LYST: variants seen among roughly 807,000 people sequenced by gnomAD.
The protein encoded by LYST is lysosomal trafficking regulator.
A neutral mutation model predicts 413.6 loss-of-function variants in LYST; 192 were observed. The observed-to-expected ratio is 0.46, with a 90% CI of 0.41 to 0.52. LYST has a LOEUF of 0.52. Ranked by LOEUF, LYST falls within the 20% of genes least tolerant of loss-of-function variation. The pLI is 0.00. For missense variants in LYST, 3,815 were observed against 4,499.9 expected, an observed-to-expected ratio of 0.85 and a Z score of 4.35; for synonymous variants, 1,525 against 1,567.3, an observed-to-expected ratio of 0.97 and a Z score of 0.64.
chr1:235,742,914 G>C (rs1226758614), intron 30 of LYST, among the ~76,000 whole-genome samples: 1 of 152,060 alleles, frequency 6.6e-6, no homozygotes, highest in African/African-American at 2.4e-5. Context: ...AAAAGGGAGA[G>C]ACTACATTTA....
intron 3 of LYST, chr1:235,827,835 T>C: frequency 1.2e-6 from 1 of 801,374 alleles, no homozygotes; most frequent in Non-Finnish European, 1.5e-6. Context: ...AAAGAGAAAG[T>C]ATTCTATTTA....
chr1:235,780,828 T>G (rs777974697), intron 16 of LYST, 37 bp downstream of exon 16: 19 of 866,660 alleles, frequency 2.2e-5, no homozygotes, highest in Non-Finnish European at 3.1e-5. Context: ...CTAAATACAT[T>G]TACTATAAAA....
rs1038478821 is a variant in LYST at position 235,701,310 on chromosome 1, A to G, written c.10374+1437T>C. ...GGCATTTATTAATTTTCAGGGATGT[A>G]TTGTAAAATTATGCTGACATGTTAA... On this transcript the variant is annotated intron_variant, in intron 45 of 52. Transcript: ENST00000389793. Among the ~76,000 whole-genome samples, 5 of 152,164 alleles carry G rather than the reference A, an allele frequency of 3.3e-5. No individual in the cohort carries two copies. In the South Asian group the frequency reaches 1.0e-3, roughly 31 times the overall value.
Position 235,663,967 on chromosome 1 carries a change from G to A in LYST, c.11267+17C>T, listed in dbSNP as rs199729572. The A allele has an allele frequency of 5.6e-5, 88 of 1,572,430 alleles. No homozygotes were observed. In the East Asian group the frequency reaches 1.4e-3, roughly 26 times the overall value. On this transcript the variant is annotated intron_variant, in intron 52 of 52. Transcript: ENST00000389793. ...ACAAATTGTATTCTGAAGCATAAGA[G>A]GGGGAGAAGATCTTACCTGATGATG...
At chr1:235,849,328 T>G (rs1178612985) in intron 1 of LYST, among the ~76,000 whole-genome samples, 1 of 152,094 alleles carries the variant, frequency 6.6e-6, no homozygotes, top group Non-Finnish European at 1.5e-5. Flanking sequence ...CCTTTATGAT[T>G]AAAATTCTCA....
rs561720668 is a variant in LYST at position 235,826,717 on chromosome 1, G to A, written c.192+3509C>T. ...GTTTTTTAAGACAGGGTTTCACTCT[G>A]TCACCCAGGTCAGAGTGCAGTGGCA... On this transcript the variant is annotated intron_variant, in intron 3 of 52. Coordinates refer to ENST00000389793, the MANE Select transcript of LYST (RefSeq NM_000081.4). Among the ~76,000 whole-genome samples, 15 of 152,290 alleles carry A rather than the reference G, an allele frequency of 9.8e-5. No individual in the cohort carries two copies. In the South Asian group the frequency reaches 3.1e-3, roughly 32 times the overall value.
chr1:235,673,560 C>T lies in LYST; in HGVS notation c.11038+3531G>A, dbSNP rs138853361. ...ACCTCCATTTCACCGAAGGAGTCAC[C>T]GCCCCCCACAACTGTCACACCCACC... is the stretch of plus-strand genomic sequence containing the variant. On this transcript the variant is annotated intron_variant, in intron 50 of 52. Coordinates refer to ENST00000389793, the MANE Select transcript of LYST (RefSeq NM_000081.4). Among the ~76,000 whole-genome samples, 471 of 152,250 alleles carry T rather than the reference C, an allele frequency of 3.1e-3. 1 individual carries two copies. The highest frequency in any genetic ancestry group is 9.9e-3 in the African/African-American group (411 of 41,548).
At chr1:235,859,642 G>A (rs1428258234) in intron 1 of LYST, among the ~76,000 whole-genome samples, 4 of 151,994 alleles carry the variant, frequency 2.6e-5, no homozygotes, top group Admixed American at 2.0e-4. Flanking sequence ...TAAATTACGA[G>A]TAATTATCTG....
intron 48 of LYST, among the ~76,000 whole-genome samples, chr1:235,680,585 G>A (rs190697968): frequency 6.6e-6 from 1 of 151,446 alleles, no homozygotes; most frequent in Non-Finnish European, 1.5e-5. Context: ...TTCTAATAAG[G>A]ACACACAAGT....
At chr1:235,792,372 T>C (rs908930858) in intron 11 of LYST, among the ~76,000 whole-genome samples, 2 of 152,106 alleles carry the variant, frequency 1.3e-5, no homozygotes, top group Admixed American at 6.6e-5. Context: ...TGGAGTGCAG[T>C]TGCACAATCT....
intron 1 of LYST, among the ~76,000 whole-genome samples, chr1:235,873,061 G>A (rs192235815): frequency 1.3e-5 from 2 of 152,302 alleles, no homozygotes; most frequent in Non-Finnish European, 2.9e-5. Flanking sequence ...GGAGAAAGGA[G>A]GGTGAGAGAA....
chr1:235,871,941 C>T (rs1032884475), intron 1 of LYST, among the ~76,000 whole-genome samples: 1 of 152,124 alleles, frequency 6.6e-6, no homozygotes, highest in African/African-American at 2.4e-5. Flanking sequence ...CTGGCTGGCT[C>T]TGAAATAAAA....
chr1:235,809,629 T>A lies in LYST; in HGVS notation c.1189A>T (p.Arg397Ter), dbSNP rs538193441. 1.2e-6 allele frequency: 2 copies of A among 1,614,128 alleles called. No individual in the cohort carries two copies. The highest frequency in any genetic ancestry group is 1.3e-5 in the African/African-American group (1 of 75,040). Residue 397 changes from arginine (R) to a stop codon, truncating the protein, a stop_gained, in exon 5 of 53, where the codon AGA (arginine) becomes TGA (stop). Coordinates refer to ENST00000389793, the MANE Select transcript of LYST (RefSeq NM_000081.4). LOFTEE classifies it high-confidence loss of function. This position sits in a 1 kb window ranked among gnomAD's most constrained non-coding sequence, Gnocchi z 4.0. ...AAAAGCTCAGGTAAAAGAAGGGCTC[T>A]ATGACGATACTTTGAAAACACAAAA... Reference protein sequence around the residue: ...EDFVFSKYRHRALLLPELLEG... With the variant: ...EDFVFSKYRH
chr1:235,715,505 T>C (rs1472872602), intron 41 of LYST, 148 bp from the exon 42 acceptor site: 3 of 728,722 alleles, frequency 4.1e-6, no homozygotes, highest in Non-Finnish European at 7.1e-6. Flanking sequence ...CCCAGGAGAC[T>C]TCAGCCTCCT....
Position 235,793,902 on chromosome 1 carries a change from G to A in LYST, c.4007-290C>T, listed in dbSNP as rs941688. On this transcript the variant is annotated intron_variant, in intron 10 of 52. Transcript: ENST00000389793. ...GGCTGGAGTGCAATGGCATGATCTCGGCTCACTGCAACCTCCACCTCCCAG... is the reference window on the plus strand; with the variant it reads ...GGCTGGAGTGCAATGGCATGATCTCAGCTCACTGCAACCTCCACCTCCCAG... 0.054 allele frequency among the ~76,000 whole-genome samples: 8,238 copies of A among 151,836 alleles called. 762 individuals are homozygous for A. Among genetic ancestry groups the A allele is most frequent in the African/African-American group, 0.19 (7,783 of 41,356 alleles).
At chr1:235,818,016 C>T (rs919119739) in intron 3 of LYST, among the ~76,000 whole-genome samples, 3 of 152,152 alleles carry the variant, frequency 2.0e-5, no homozygotes, top group South Asian at 2.1e-4. Context: ...GAGATTTATA[C>T]ACACATGTCA....
At chr1:235,777,761 C>A (rs557615424) in intron 16 of LYST, among the ~76,000 whole-genome samples, 181 of 152,202 alleles carry the variant, frequency 1.2e-3, no homozygotes, top group African/African-American at 4.2e-3. Flanking sequence ...CTAGATCTTT[C>A]TACTGGAATA....
intron 1 of LYST, among the ~76,000 whole-genome samples, chr1:235,855,375 T>G (rs1186056297): frequency 6.6e-6 from 1 of 152,116 alleles, no homozygotes; most frequent in African/African-American, 2.4e-5. Context: ...AACAGACACA[T>G]TTACAAAAGC....
intron 1 of LYST, among the ~76,000 whole-genome samples, chr1:235,834,984 G>A (rs1050656751): frequency 8.6e-5 from 13 of 151,784 alleles, no homozygotes; most frequent in Admixed American, 2.0e-4. Context: ...GCGCGATCTC[G>A]GGTCACTGCA....
Sources: allele counts gnomAD v4.1 joint callset (sites outside exome capture counted in the v4.1 genomes callset), GRCh38; gene constraint gnomAD v4.1.1; non-coding constraint Gnocchi (gnomAD v3.1); transcripts MANE v1.5; gene names NCBI Gene and HGNC (gene_info 2026-07-23, HGNC 2026-07-21).